CDH8: variants seen among roughly 807,000 people sequenced by gnomAD.
CDH8 encodes the protein cadherin-8.
A neutral mutation model predicts 68.1 loss-of-function variants in CDH8; 17 were observed. The ratio of observed to expected loss-of-function variants is 0.25; its 90% CI spans 0.17 to 0.37. The LOEUF is 0.37. Among genes scored for constraint, CDH8 ranks in the 10% least tolerant of loss-of-function variants. The probability of loss-of-function intolerance (pLI) is 1.00; values close to 1 mark genes in which losing one functional copy is unlikely to be tolerated. For synonymous variants in CDH8, 372 were observed against 365.1 expected (o/e 1.02, Z -0.21); for missense variants, 763 against 999.3 (o/e 0.76, Z 3.19).
intron 8 of CDH8, among the ~76,000 whole-genome samples, chr16:61,740,179 T>G (rs2142921935): frequency 6.6e-6 from 1 of 151,896 alleles, no homozygotes; most frequent in East Asian, 1.9e-4. Context: ...GTGCTGGGAT[T>G]AAGGGGTGAG....
chr16:61,873,095 A>T (rs796735804), intron 3 of CDH8, among the ~76,000 whole-genome samples: 1 of 152,166 alleles, frequency 6.6e-6, no homozygotes, highest in Admixed American at 6.5e-5. Context: ...TGTTTCTATG[A>T]TTCTTTTCTA....
chr16:61,722,049 A>T (rs1377424243), intron 9 of CDH8, among the ~76,000 whole-genome samples: 1 of 150,700 alleles, frequency 6.6e-6, no homozygotes, highest in Non-Finnish European at 1.5e-5. Flanking sequence ...CAGCTTCCTA[A>T]ATGTGCTTCC....
intron 8 of CDH8, among the ~76,000 whole-genome samples, chr16:61,770,504 G>A (rs1960750167): frequency 6.6e-6 from 1 of 152,004 alleles, no homozygotes; most frequent in East Asian, 1.9e-4. Flanking sequence ...ACAGTCTCCA[G>A]ATGGACATAC....
intron 4 of CDH8, among the ~76,000 whole-genome samples, chr16:61,846,086 C>T (rs950964931): frequency 6.6e-6 from 1 of 152,104 alleles, no homozygotes; most frequent in Non-Finnish European, 1.5e-5. Flanking sequence ...ACTGAATATG[C>T]TTTGCAAATG....
intron 2 of CDH8, among the ~76,000 whole-genome samples, chr16:61,953,218 C>T (rs1964924531): frequency 6.6e-6 from 1 of 152,076 alleles, no homozygotes; most frequent in East Asian, 1.9e-4. Flanking sequence ...GCAGCCTGAA[C>T]TGAATGGACT....
intron 2 of CDH8, among the ~76,000 whole-genome samples, chr16:61,984,568 G>A (rs1965595118): frequency 6.6e-6 from 1 of 151,824 alleles, no homozygotes; most frequent in Non-Finnish European, 1.5e-5. Flanking sequence ...AGGATCATAG[G>A]CATGCACCAT....
At chr16:61,665,419 C>T (rs535463964) in intron 10 of CDH8, among the ~76,000 whole-genome samples, 6 of 152,008 alleles carry the variant, frequency 3.9e-5, no homozygotes, top group South Asian at 2.1e-4. Flanking sequence ...AACCAAACAC[C>T]GCATGTTCTC....
intron 2 of CDH8, among the ~76,000 whole-genome samples, chr16:61,954,512 T>C (rs1411098194): frequency 6.6e-6 from 1 of 151,836 alleles, no homozygotes; most frequent in Non-Finnish European, 1.5e-5. Flanking sequence ...CCATCCTTAC[T>C]AACACGGTGA....
At chr16:61,764,700 T>A (rs1418063884) in intron 8 of CDH8, among the ~76,000 whole-genome samples, 1 of 152,056 alleles carries the variant, frequency 6.6e-6, no homozygotes, top group Non-Finnish European at 1.5e-5. Context: ...AGTTTTCCAA[T>A]GTTCATTTTA....
At chr16:61,720,930 C>T (rs1248502989) in intron 9 of CDH8, among the ~76,000 whole-genome samples, 2 of 150,526 alleles carry the variant, frequency 1.3e-5, no homozygotes, top group Non-Finnish European at 3.0e-5. Context: ...CAAATAAATA[C>T]CACTGAAAAT....
At chr16:61,690,492 T>C (rs1228653012) in intron 10 of CDH8, among the ~76,000 whole-genome samples, 2 of 152,116 alleles carry the variant, frequency 1.3e-5, no homozygotes, top group Non-Finnish European at 2.9e-5. Flanking sequence ...TGTATCAATA[T>C]GCATGATAAG....
intron 2 of CDH8, among the ~76,000 whole-genome samples, chr16:61,998,845 A>G (rs564875820): frequency 2.6e-5 from 4 of 152,290 alleles, no homozygotes; most frequent in African/African-American, 9.6e-5. Flanking sequence ...GTAAGACTAG[A>G]TATTTTATTC....
intron 2 of CDH8, among the ~76,000 whole-genome samples, chr16:61,937,442 A>T (rs1290353449): frequency 6.6e-6 from 1 of 152,210 alleles, no homozygotes; most frequent in Non-Finnish European, 1.5e-5. Flanking sequence ...AATTCAATTG[A>T]GAGATTACAA....
At chr16:61,817,017 T>TA (rs1401011976) in intron 7 of CDH8, among the ~76,000 whole-genome samples, 3 of 152,106 alleles carry the variant, frequency 2.0e-5, no homozygotes, top group Admixed American at 2.0e-4. Context: ...AGGAGCCTCT[T>TA]AATGCATTGA....
intron 2 of CDH8, among the ~76,000 whole-genome samples, chr16:61,997,667 C>T (rs1202229536): frequency 6.6e-6 from 1 of 152,088 alleles, no homozygotes; most frequent in African/African-American, 2.4e-5. Context: ...CCATCTCAAC[C>T]AGGTAAGCAA....
intron 8 of CDH8, among the ~76,000 whole-genome samples, chr16:61,759,835 C>T (rs1386560515): frequency 1.3e-5 from 2 of 152,044 alleles, no homozygotes; most frequent in Admixed American, 1.3e-4. Context: ...GAGTTTCTTC[C>T]CCTGGATATG....
chr16:61,901,650 G>T lies in CDH8; in HGVS notation c.253-177C>A, dbSNP rs1468502638. Among the ~76,000 whole-genome samples the T allele has an allele frequency of 2.6e-5, 4 of 152,092 alleles. No homozygotes were observed. The East Asian group carries it at 7.7e-4, about 29-fold the overall frequency. On this transcript the variant is annotated intron_variant, in intron 2 of 11. Coordinates refer to ENST00000577390, the MANE Select transcript of CDH8 (RefSeq NM_001796.5). ...ATATCAATTAAGAATAAAATATAAT[G>T]AAATTCATCTAAATAAGTTAGAACA...
chr16:61,916,289 A>G (rs1255433207), intron 2 of CDH8, among the ~76,000 whole-genome samples: 1 of 152,080 alleles, frequency 6.6e-6, no homozygotes, highest in African/African-American at 2.4e-5. Flanking sequence ...TGAGGTGGGC[A>G]GATCACCTGA....
At chr16:61,675,580 C>A in intron 10 of CDH8, among the ~76,000 whole-genome samples, 1 of 141,366 alleles carries the variant, frequency 7.1e-6, no homozygotes, top group East Asian at 2.1e-4. Context: ...GCACATGTAC[C>A]CTAAAACTTA....
Sources: allele counts gnomAD v4.1 joint callset (sites outside exome capture counted in the v4.1 genomes callset), GRCh38; gene constraint gnomAD v4.1.1; transcripts MANE v1.5; gene names NCBI Gene and HGNC (gene_info 2026-07-23, HGNC 2026-07-21).